ZBTB2: variants seen among roughly 807,000 people sequenced by gnomAD.
The protein encoded by ZBTB2 is zinc finger and BTB domain containing 2.
In ZBTB2, 2 loss-of-function variants were observed where a neutral mutation model predicts 39.5. The observed-to-expected ratio is 0.05, with a 90% CI of 0.02 to 0.16. The LOEUF (loss-of-function observed/expected upper bound fraction) is 0.16, where lower values mean the gene tolerates loss of function less well. ZBTB2 is among the 10% of genes least tolerant of loss of function. The pLI is 1.00. For synonymous variants in ZBTB2, 251 were observed against 256.6 expected (o/e 0.98, Z 0.21); for missense variants, 391 against 653.0 (o/e 0.60, Z 4.37).
intron 1 of ZBTB2, among the ~76,000 whole-genome samples, chr6:151,377,733 AT>A (rs1778949103): frequency 6.6e-6 from 1 of 151,462 alleles, no homozygotes; most frequent in Admixed American, 6.6e-5. Flanking sequence ...GGGTTTCACC[AT>A]GTTGTTAGCC....
Position 151,366,307 on chromosome 6 carries a change from G to A in ZBTB2, c.759C>T (p.Tyr253=), listed in dbSNP as rs746946032. The stretch of plus-strand genomic sequence containing the variant: ...GCCGTCCACACAGGTGGCAGGCATA[G>A]TACTTTGGAAAGCTCCCATTCCTCT... ...IMKRNGSFPK[Y]YACHLCGRRF... The change falls in exon 3 of 3, where the codon TAC becomes TAT. Residue 253 remains tyrosine, a synonymous_variant. Coordinates refer to ENST00000325144, the MANE Select transcript of ZBTB2 (RefSeq NM_020861.3). This position sits in a 1 kb window ranked among gnomAD's most constrained non-coding sequence, Gnocchi z 7.1. 1.1e-5 allele frequency: 18 copies of A among 1,614,144 alleles called. No homozygotes were observed. The highest frequency in any genetic ancestry group is 1.0e-5 in the Non-Finnish European group (12 of 1,180,030).
intron 1 of ZBTB2, among the ~76,000 whole-genome samples, chr6:151,389,956 G>A (rs922571478): frequency 6.6e-6 from 1 of 151,974 alleles, no homozygotes; most frequent in African/African-American, 2.4e-5. Flanking sequence ...GGGTTTAGAG[G>A]TTTCGCTACA....
intron 2 of ZBTB2, among the ~76,000 whole-genome samples, chr6:151,370,512 A>G (rs1778765422): frequency 6.6e-6 from 1 of 152,248 alleles, no homozygotes; most frequent in South Asian, 2.1e-4. Flanking sequence ...GGATTTTTGA[A>G]TAACATTAGC....
Position 151,366,149 on chromosome 6 carries a change from G to T in ZBTB2, c.917C>A (p.Ala306Asp). The T allele has an allele frequency of 1.2e-6, 2 of 1,614,118 alleles. No homozygotes were observed. The highest frequency in any genetic ancestry group is 1.7e-6 in the Non-Finnish European group (2 of 1,180,038). ...CATCCCGGCTTCAGGCACTTCCATG[G>T]CATCTTTCCCGAGGTCAGCTGCATT... Reference protein sequence around the residue: ...CSNAADLGKDAMEVPEAGMIS... With the variant: ...CSNAADLGKDDMEVPEAGMIS... Residue 306 changes from alanine (A) to aspartate (D), a missense_variant, in exon 3 of 3, where the codon GCC becomes GAC. Physicochemically the swap from Ala to Asp is moderately radical, Grantham distance 126. Coordinates refer to ENST00000325144, the MANE Select transcript of ZBTB2 (RefSeq NM_020861.3). The surrounding 1 kb of genome is among the most constrained non-coding windows in gnomAD (Gnocchi z 7.1).
intron 1 of ZBTB2, among the ~76,000 whole-genome samples, chr6:151,389,058 A>C (rs1323327619): frequency 6.6e-6 from 1 of 152,204 alleles, no homozygotes; most frequent in Non-Finnish European, 1.5e-5. Context: ...AACAAACCAC[A>C]AGTTTATTAA....
At chr6:151,373,363 G>A (rs2114860939) in intron 2 of ZBTB2, 102 bp downstream of exon 2, 1 of 1,317,126 alleles carries the variant, frequency 7.6e-7, no homozygotes, top group Non-Finnish European at 1.1e-6. Flanking sequence ...AGGTCACCTA[G>A]GAGCTAGGAG....
Position 151,366,578 on chromosome 6 carries a change from G to A in ZBTB2, c.488C>T (p.Thr163Ile). The stretch of plus-strand genomic sequence containing the variant: ...GACCTGCTCCTGGCTTATCCTGGAG[G>A]TCTGTGGCCGTGGATCTCGCCCGAG... Reference protein sequence around the residue: ...EKLGRDPRPQTSRISQEQVPE... With the variant: ...EKLGRDPRPQISRISQEQVPE... Residue 163 changes from threonine (T) to isoleucine (I), a missense_variant, in exon 3 of 3, where the codon ACC becomes ATC. By Grantham distance (89) the Thr-to-Ile change is moderately conservative. Around this residue, in one of 7 missense-constraint regions of ZBTB2, gnomAD observed 175 missense variants for 198.6 expected, o/e 0.88. Transcript: ENST00000325144. The surrounding 1 kb of genome is among the most constrained non-coding windows in gnomAD (Gnocchi z 7.1). 1 of 1,614,096 alleles carries A rather than the reference G, an allele frequency of 6.2e-7. No homozygotes were observed. Among genetic ancestry groups the A allele is most frequent in the South Asian group, 1.1e-5 (1 of 91,072 alleles).
intron 1 of ZBTB2, among the ~76,000 whole-genome samples, chr6:151,386,588 T>C (rs79156924): frequency 0.015 from 2,274 of 152,356 alleles, 52 homozygotes; most frequent in African/African-American, 0.051. Flanking sequence ...AGAGTGGAGA[T>C]TGCCTTTGTT....
In ZBTB2 at chr6:151,373,470, C is replaced by G. The variant is rs1415634952; in HGVS notation, c.168G>C (p.Gln56His). The stretch of plus-strand genomic sequence containing the variant: ...TTAGCAACCACTTTAGTTACCTGGT[C>G]TGATGGACAAACAACATCTTAAAGT... ...SNYFKMLFVH[Q>H]TSECVRLKPT... Residue 56 changes from glutamine to histidine, a missense_variant, in exon 2 of 3, where the codon CAG (glutamine) becomes CAC (histidine). Gln to His is a conservative substitution (Grantham distance 24, BLOSUM62 0). Coordinates refer to ENST00000325144, the MANE Select transcript of ZBTB2 (RefSeq NM_020861.3). The G allele has an allele frequency of 6.2e-7, 1 of 1,614,054 alleles. No individual in the cohort carries two copies. Among genetic ancestry groups the G allele is most frequent in the Non-Finnish European group, 8.5e-7 (1 of 1,179,992 alleles).
intron 2 of ZBTB2, among the ~76,000 whole-genome samples, chr6:151,367,310 G>A (rs1778672852): frequency 6.6e-6 from 1 of 152,170 alleles, no homozygotes; most frequent in Non-Finnish European, 1.5e-5. Flanking sequence ...TAATAGAGAC[G>A]GGGATTCACC....
intron 1 of ZBTB2, among the ~76,000 whole-genome samples, chr6:151,385,442 C>G (rs1779130225): frequency 2.0e-5 from 3 of 152,186 alleles, no homozygotes; most frequent in Admixed American, 2.0e-4. Flanking sequence ...TTTAGAAGTG[C>G]AGAAGAATGG....
chr6:151,366,189 G>T lies in ZBTB2; in HGVS notation c.877C>A (p.Leu293Met), dbSNP rs1053043652. ...TCAGCTGCATTGCTACAGAGAGTCAGGGGGACGCGACTTTCTCCCTGTTGG... is the reference window on the plus strand; with the variant it reads ...TCAGCTGCATTGCTACAGAGAGTCATGGGGACGCGACTTTCTCCCTGTTGG... Reference protein sequence around the residue: ...SSQQGESRVPLTLCSNAADLG... With the variant: ...SSQQGESRVPMTLCSNAADLG... Residue 293 changes from leucine to methionine, a missense_variant, in exon 3 of 3, where the codon CTG (leucine) becomes ATG (methionine). Physicochemically the swap from Leu to Met is conservative, Grantham distance 15 (BLOSUM62 2). Coordinates refer to ENST00000325144, the MANE Select transcript of ZBTB2 (RefSeq NM_020861.3). This position sits in a 1 kb window ranked among gnomAD's most constrained non-coding sequence, Gnocchi z 7.1. The T allele has an allele frequency of 6.2e-7, 1 of 1,614,050 alleles. No individual in the cohort carries two copies. The highest frequency in any genetic ancestry group is 1.3e-5 in the African/African-American group (1 of 74,918).
At chr6:151,375,910 A>G (rs1778897909) in intron 1 of ZBTB2, among the ~76,000 whole-genome samples, 1 of 152,244 alleles carries the variant, frequency 6.6e-6, no homozygotes, top group Non-Finnish European at 1.5e-5. Flanking sequence ...GGGAGAAACC[A>G]GTCTACCCAA....
At chr6:151,385,871 G>A (rs1398857959) in intron 1 of ZBTB2, among the ~76,000 whole-genome samples, 1 of 152,090 alleles carries the variant, frequency 6.6e-6, no homozygotes, top group Non-Finnish European at 1.5e-5. Flanking sequence ...GTATTTTGAA[G>A]GTAGAAAATG....
intron 1 of ZBTB2, among the ~76,000 whole-genome samples, chr6:151,373,870 A>AAAAAAAAAAAAAAAAAAAAAAAAC (rs1778843577): frequency 8.1e-6 from 1 of 123,566 alleles, no homozygotes; most frequent in African/African-American, 3.6e-5. Context: ...AAAAAAAAAA[A>AAAAAAAAAAAAAAAAAAAAAAAAC]AAAAAAACCA....
rs1447244661 is a variant in ZBTB2 at position 151,365,333 on chromosome 6, G to A, written c.*188C>T. 1 of 617,804 alleles carries A rather than the reference G, an allele frequency of 1.6e-6. No individual in the cohort carries two copies. The highest frequency in any genetic ancestry group is 3.4e-5 in the Admixed American group (1 of 29,252). The allele number at this position is 617,804 out of a possible 1,614,324, so 38.3% of individuals were successfully genotyped here. A position where few individuals can be genotyped will look rare whatever the true frequency, so the allele number is the denominator to read the frequency against. On this transcript the variant is annotated 3_prime_UTR_variant, in exon 3 of 3. Transcript: ENST00000325144. The surrounding 1 kb of genome is among the most constrained non-coding windows in gnomAD (Gnocchi z 5.6). ...TTCCAATATCCCCTGAAAGAAAGTC[G>A]ATACATTCCAGGTTTATAATGCACA... is the stretch of plus-strand genomic sequence containing the variant.
At chr6:151,368,441 G>A (rs972310029) in intron 2 of ZBTB2, among the ~76,000 whole-genome samples, 10 of 151,588 alleles carry the variant, frequency 6.6e-5, no homozygotes, top group African/African-American at 1.5e-4. Flanking sequence ...GAGCCACCGC[G>A]CCTGGCAACT....
At chr6:151,390,905 C>T (rs918602778) in intron 1 of ZBTB2, among the ~76,000 whole-genome samples, 2 of 151,900 alleles carry the variant, frequency 1.3e-5, no homozygotes, top group African/African-American at 4.8e-5. Flanking sequence ...CTGAGGGCTC[C>T]AGCGCGGGAC....
At chr6:151,380,859 A>AG (rs1779019405) in intron 1 of ZBTB2, among the ~76,000 whole-genome samples, 1 of 152,106 alleles carries the variant, frequency 6.6e-6, no homozygotes, top group African/African-American at 2.4e-5. Flanking sequence ...GCTGTCCCCC[A>AG]GGAACCTTAA....
Sources: allele counts gnomAD v4.1 joint callset (sites outside exome capture counted in the v4.1 genomes callset), GRCh38; gene constraint gnomAD v4.1.1; regional missense constraint gnomAD v4.1.1; non-coding constraint Gnocchi (gnomAD v3.1); transcripts MANE v1.5; gene names NCBI Gene and HGNC (gene_info 2026-07-23, HGNC 2026-07-21).